The following ACSF3 variants were observed in gnomAD, a reference collection of about 807,000 sequenced individuals.
ACSF3 encodes the protein acyl-CoA synthetase family member 3.
ACSF3 carries 78 observed loss-of-function variants against 53.2 expected under a neutral mutation model. The ratio of observed to expected loss-of-function variants is 1.47; its 90% CI spans 1.22 to 1.77. ACSF3 has a LOEUF of 1.77. Among genes scored for constraint, ACSF3 ranks in the 40% most tolerant of loss-of-function variants. The probability of loss-of-function intolerance (pLI) is 0.00; values close to 1 mark genes in which losing one functional copy is unlikely to be tolerated. For synonymous variants in ACSF3, 414 were observed against 333.1 expected (o/e 1.24, Z -2.65); for missense variants, 937 against 771.1 (o/e 1.22, Z -2.55).
Position 89,101,056 on chromosome 16 carries a change from C to G in ACSF3, c.375C>G (p.Leu125=), listed in dbSNP as rs1265843520. Residue 125 remains leucine (L), a synonymous_variant, in exon 3 of 11, where the codon CTC becomes CTG. Transcript: ENST00000614302. ...TGAGTGGCGGTGTGGCAGTCCCCCT[C>G]TACAGGAAGCATCCCGCGGCCCAGC... ...SWMSGGVAVP[L]YRKHPAAQLE... 1 of 1,614,052 alleles carries G rather than the reference C, an allele frequency of 6.2e-7. No individual in the cohort carries two copies. Among genetic ancestry groups the G allele is most frequent in the South Asian group, 1.1e-5 (1 of 91,082 alleles).
intron 1 of ACSF3, chr16:89,095,308 G>A (rs1974483215): frequency 2.9e-5 from 4 of 139,398 alleles, no homozygotes; most frequent in Admixed American, 2.7e-4. Flanking sequence ...ATAGTTGTAA[G>A]TGTCACCTTT....
At position 89,102,734 on chromosome 16, in the gene ACSF3, T is replaced by C; in HGVS notation, c.797T>C (p.Met266Thr). ...CPLWVGATCV[M>T]MPEFSPQQVW... ...CTCTGGGTGGGAGCCACCTGTGTGA[T>C]GATGCCTGAGTTCAGCCCTCAGCAG... is the stretch of plus-strand genomic sequence containing the variant. The change falls in exon 4 of 11, where the codon ATG becomes ACG. Residue 266 changes from methionine (M) to threonine (T), a missense_variant. Transcript: ENST00000614302. The C allele has an allele frequency of 6.2e-7, 1 of 1,612,774 alleles. No individual in the cohort carries two copies. Among genetic ancestry groups the C allele is most frequent in the South Asian group, 1.1e-5 (1 of 91,050 alleles).
At chr16:89,139,001 G>A (rs962104276) in intron 8 of ACSF3, among the ~76,000 whole-genome samples, 8 of 152,290 alleles carry the variant, frequency 5.3e-5, no homozygotes, top group Middle Eastern at 3.4e-3. Context: ...CCCGCATCCC[G>A]AGGGCCGCCA....
At chr16:89,136,528 A>G (rs1404562642) in intron 8 of ACSF3, 1 of 1,261,258 alleles carries the variant, frequency 7.9e-7, no homozygotes, top group South Asian at 1.3e-5. Flanking sequence ...GAGAAATTAA[A>G]CTTAACCCTT....
Position 89,135,935 on chromosome 16 carries a change from C to T in ACSF3, c.1366+2673C>T, listed in dbSNP as rs555973213. Among the ~76,000 whole-genome samples, 239 of 152,328 alleles carry T rather than the reference C, an allele frequency of 1.6e-3. 2 individuals carry two copies. The highest frequency in any genetic ancestry group is 3.8e-3 in the African/African-American group (159 of 41,568). On this transcript the variant is annotated intron_variant, in intron 8 of 10. Transcript: ENST00000614302. ...GATTACAGGCGCCCGCCACCACGCCCGGCTAATTTTTGTATTTTTAGTAAA... is the reference window on the plus strand; with the variant it reads ...GATTACAGGCGCCCGCCACCACGCCTGGCTAATTTTTGTATTTTTAGTAAA...
At chr16:89,102,569 G>A (rs1247382242) in intron 3 of ACSF3, 35 bp from the exon 4 acceptor site, 2 of 1,611,750 alleles carry the variant, frequency 1.2e-6, no homozygotes, top group African/African-American at 1.3e-5. Context: ...CCACAGTCTT[G>A]CTCTTGCTCT....
chr16:89,130,071 T>C (rs930097978), intron 7 of ACSF3, among the ~76,000 whole-genome samples: 2 of 152,268 alleles, frequency 1.3e-5, no homozygotes, highest in African/African-American at 4.8e-5. Flanking sequence ...TTGCTTTTCC[T>C]GTATTCCCAA....
intron 10 of ACSF3, chr16:89,149,599 A>G (rs1392453224): frequency 6.6e-6 from 1 of 152,258 alleles, no homozygotes; most frequent in Non-Finnish European, 1.5e-5. Flanking sequence ...ATGAGGTTAC[A>G]CTGACAATTC....
At position 89,145,843 on chromosome 16, in the gene ACSF3, GC is replaced by G. The variant is rs558246257; in HGVS notation, c.1502-93del. ...TCCAAGGACGGGCTCCAGGGCTGCGGCCAGACTGCGCTCTTCCTGTGTGTCC... is the reference window on the plus strand; with the variant it reads ...TCCAAGGACGGGCTCCAGGGCTGCGGCAGACTGCGCTCTTCCTGTGTGTCC... On this transcript the variant is annotated intron_variant, in intron 9 of 10. Coordinates refer to ENST00000614302, the MANE Select transcript of ACSF3 (RefSeq NM_001243279.3). 124 of 1,089,602 alleles carry G rather than the reference GC, an allele frequency of 1.1e-4. No individual in the cohort carries two copies. The East Asian group carries it at 2.8e-3, about 24-fold the overall frequency. The allele number at this position is 1,089,602 out of a possible 1,614,324, so 67.5% of individuals were successfully genotyped here. A position where few individuals can be genotyped will look rare whatever the true frequency, so the allele number is the denominator to read the frequency against.
At position 89,112,249 on chromosome 16, in the gene ACSF3, A is replaced by C; in HGVS notation, c.977+3A>C. 1 of 1,614,086 alleles carries C rather than the reference A, an allele frequency of 6.2e-7. No individual in the cohort carries two copies. Among genetic ancestry groups the C allele is most frequent in the Non-Finnish European group, 8.5e-7 (1 of 1,179,982 alleles). On this transcript the variant is annotated splice_donor_region_variant and intron_variant, in intron 5 of 10. Transcript: ENST00000614302. ...GCAGTTTGTGAAGAAAAAATTAGGT[A>C]AGTGAAAAGAGCCCACTTTCTCGTT... is the stretch of plus-strand genomic sequence containing the variant.
intron 8 of ACSF3, chr16:89,141,047 G>A (rs1249387371): frequency 7.9e-7 from 1 of 1,259,388 alleles, no homozygotes; most frequent in East Asian, 5.7e-5. Flanking sequence ...TATTTAACTT[G>A]TTTGACTTGC....
intron 4 of ACSF3, among the ~76,000 whole-genome samples, chr16:89,108,490 A>T (rs1976285755): frequency 6.6e-6 from 1 of 152,168 alleles, no homozygotes; most frequent in Non-Finnish European, 1.5e-5. Flanking sequence ...ACACCGCAAA[A>T]TTCATTATTG....
chr16:89,118,586 G>C (rs1905800356), intron 6 of ACSF3, among the ~76,000 whole-genome samples: 1 of 152,244 alleles, frequency 6.6e-6, no homozygotes, highest in Admixed American at 6.5e-5. Flanking sequence ...GGTGGAGGGT[G>C]AGCTCTGTCG....
At chr16:89,096,803 C>T (rs537132021) in intron 1 of ACSF3, among the ~76,000 whole-genome samples, 3 of 152,336 alleles carry the variant, frequency 2.0e-5, no homozygotes, top group South Asian at 2.1e-4. Context: ...ACCAGGCCCC[C>T]GTCCGTTCCT....
chr16:89,118,129 G>C (rs891701917), intron 6 of ACSF3, among the ~76,000 whole-genome samples: 1 of 142,054 alleles, frequency 7.0e-6, no homozygotes, highest in African/African-American at 2.7e-5. Flanking sequence ...TCCCTCGGGC[G>C]CCGGGGACGC....
chr16:89,136,165 C>T (rs918425474), intron 8 of ACSF3, among the ~76,000 whole-genome samples: 9 of 152,210 alleles, frequency 5.9e-5, no homozygotes, highest in Non-Finnish European at 8.8e-5. Context: ...TTGCGAGTCG[C>T]GGGGCTCCCG....
At position 89,101,219 on chromosome 16, in the gene ACSF3, G is replaced by C; in HGVS notation, c.538G>C (p.Glu180Gln). ...ACCAGCCATCTACACTGGAGCAGTA[G>C]AGGAACCGGCAGAGGTCCCGGTCCC... is the stretch of plus-strand genomic sequence containing the variant. ...LTPAIYTGAV[E>Q]EPAEVPVPEQ... Residue 180 changes from glutamate to glutamine, a missense_variant, in exon 3 of 11, where the codon GAG (glutamate) becomes CAG (glutamine). Transcript: ENST00000614302. 2 of 1,603,628 alleles carry C rather than the reference G, an allele frequency of 1.2e-6. No individual in the cohort carries two copies. The highest frequency in any genetic ancestry group is 2.2e-5 in the East Asian group (1 of 44,542).
At chr16:89,142,520 C>G (rs559408356) in intron 8 of ACSF3, among the ~76,000 whole-genome samples, 40 of 84,188 alleles carry the variant, frequency 4.8e-4, no homozygotes, top group African/African-American at 2.1e-3. Context: ...CAGAGACATA[C>G]CCACACCTGC....
At chr16:89,110,144 A>T (rs1295066581) in intron 4 of ACSF3, among the ~76,000 whole-genome samples, 1 of 152,228 alleles carries the variant, frequency 6.6e-6, no homozygotes, top group African/African-American at 2.4e-5. Context: ...AAAAAATTTT[A>T]AAAATAAATT....
Sources: gnomAD v4.1 joint callset for allele counts (sites outside exome capture counted in the v4.1 genomes callset) on GRCh38, gnomAD v4.1.1 for gene constraint, MANE v1.5 for transcripts, NCBI Gene and HGNC (gene_info 2026-07-23, HGNC 2026-07-21) for gene names.